Variants in SLC61A1 observed in about 807,000 individuals in gnomAD.
SLC61A1 encodes the protein solute carrier family 61 member 1, also known as major facilitator superfamily domain containing 5.
the SLC61A1 span, chr12:53,253,272 C>T: frequency 6.2e-7 from 1 of 1,614,252 alleles, no homozygotes; most frequent in Non-Finnish European, 8.5e-7. Flanking sequence ...CTGCTCTTCT[C>T]AGCCTTCGAG....
At chr12:53,252,362 G>A in the SLC61A1 span, 1 of 1,332,726 alleles carries the variant, frequency 7.5e-7, no homozygotes, top group East Asian at 3.2e-5. Flanking sequence ...GGAGGAGTGG[G>A]CCTCTGAGAT....
At chr12:53,251,672 T>G in the SLC61A1 span, 1 of 1,471,016 alleles carries the variant, frequency 6.8e-7, no homozygotes, top group Non-Finnish European at 9.0e-7. Context: ...GCAGCCCGAC[T>G]CCAAGTTCTT....
At chr12:53,253,830 C>T in the SLC61A1 span, 2 of 1,614,240 alleles carry the variant, frequency 1.2e-6, no homozygotes, top group South Asian at 2.2e-5. Flanking sequence ...TTGACTTTCT[C>T]TACCAGCCCA....
At chr12:53,252,225 G>A in the SLC61A1 span, 2 of 1,413,352 alleles carry the variant, frequency 1.4e-6, no homozygotes, top group Non-Finnish European at 1.8e-6. Context: ...CTGGCGGCCT[G>A]GAGCCGGACG....
chr12:53,254,055 A>G, the SLC61A1 span: 1 of 1,614,204 alleles, frequency 6.2e-7, no homozygotes, highest in Non-Finnish European at 8.5e-7. Flanking sequence ...GGCACTCGGA[A>G]TATGTTCAGC....
chr12:53,252,185 C>T, the SLC61A1 span: 28 of 1,418,408 alleles, frequency 2.0e-5, no homozygotes, highest in Middle Eastern at 5.2e-4. Context: ...GAACCCGAGC[C>T]GGAGCCGGAG....
At chr12:53,252,106 C>T in the SLC61A1 span, 1 of 1,449,618 alleles carries the variant, frequency 6.9e-7, no homozygotes, top group African/African-American at 1.4e-5. Flanking sequence ...CGTGATGAAG[C>T]CATCATGGCG....
chr12:53,253,671 C>T, the SLC61A1 span: 1 of 1,614,022 alleles, frequency 6.2e-7, no homozygotes, highest in Non-Finnish European at 8.5e-7. Flanking sequence ...CCACACGGGG[C>T]CCCTCTGGGC....
At chr12:53,254,084 G>A in the SLC61A1 span, 12 of 1,614,080 alleles carry the variant, frequency 7.4e-6, no homozygotes, top group East Asian at 6.7e-5. Context: ...TGCTGTCATG[G>A]TGATGGCTCT....
At chr12:53,254,016 T>G in the SLC61A1 span, 1 of 1,614,110 alleles carries the variant, frequency 6.2e-7, no homozygotes, top group Non-Finnish European at 8.5e-7. Context: ...CTAGGGCTCC[T>G]TGTCCTCCAT....
chr12:53,252,793 C>G, the SLC61A1 span: 250 of 1,607,488 alleles, frequency 1.6e-4, 1 homozygote, highest in Non-Finnish European at 1.9e-4. Context: ...ATGGATATGG[C>G]TCTGACTCCC....
the SLC61A1 span, chr12:53,253,734 G>C: frequency 6.2e-7 from 1 of 1,613,884 alleles, no homozygotes; most frequent in Admixed American, 1.7e-5. Context: ...TCCCTGTACC[G>C]TATCGCCACC....
the SLC61A1 span, chr12:53,253,901 T>C: frequency 3.1e-6 from 5 of 1,614,064 alleles, no homozygotes; most frequent in African/African-American, 1.3e-5. Flanking sequence ...GGCTTGTGGA[T>C]TATACTTTCC....
At chr12:53,254,316 G>A in the SLC61A1 span, 7 of 1,157,714 alleles carry the variant, frequency 6.0e-6, no homozygotes, top group African/African-American at 1.5e-5. Flanking sequence ...GTGTTTGGGA[G>A]GACATGATGG....
chr12:53,252,813 C>T, the SLC61A1 span: 1 of 1,612,440 alleles, frequency 6.2e-7, no homozygotes, highest in East Asian at 2.2e-5. Flanking sequence ...CACCTCTCTT[C>T]CCAGGTCGTC....
At chr12:53,252,039 A>G in the SLC61A1 span, 26 of 561,036 alleles carry the variant, frequency 4.6e-5, no homozygotes, top group Admixed American at 9.0e-5. Flanking sequence ...CGCCCGGGTA[A>G]GGGAAGGAGG....
the SLC61A1 span, chr12:53,252,020 G>A: frequency 2.3e-4 from 353 of 1,525,960 alleles, 4 homozygotes; most frequent in African/African-American, 3.8e-3. Context: ...CCAGGCGTCA[G>A]GAGTTCCGCG....
chr12:53,251,513 C>A, the SLC61A1 span: 1 of 559,084 alleles, frequency 1.8e-6, no homozygotes, highest in Non-Finnish European at 3.1e-6. Context: ...AAGTTCTTAA[C>A]CCCATGCTGC....
chr12:53,253,801 C>T, the SLC61A1 span: 3 of 1,614,234 alleles, frequency 1.9e-6, no homozygotes, highest in African/African-American at 2.7e-5. Flanking sequence ...TGCTCATCGT[C>T]GTCTTCTCTC....
Sources: gnomAD v4.1 joint callset for allele counts on GRCh38, gnomAD v4.1.1 for gene constraint, MANE v1.5 for transcripts, NCBI Gene and HGNC (gene_info 2026-07-23, HGNC 2026-07-21) for gene names.